Variants in USH2A observed in about 807,000 individuals in gnomAD.
USH2A encodes the protein usherin.
Under a neutral mutation model 538.9 loss-of-function variants are expected in USH2A, and 443 were observed. The observed-to-expected ratio is 0.82, with a 90% CI of 0.76 to 0.89. USH2A has a LOEUF of 0.89. Ranked by LOEUF, USH2A falls within the 40% of genes least tolerant of loss-of-function variation. The pLI is 0.00. For missense variants in USH2A, 6,633 were observed against 6,324.8 expected, an observed-to-expected ratio of 1.05 and a Z score of -1.65; for synonymous variants, 2,413 against 2,273.5, an observed-to-expected ratio of 1.06 and a Z score of -1.75.
At chr1:215,897,511 A>C (rs1665378843) in intron 40 of USH2A, among the ~76,000 whole-genome samples, 1 of 151,842 alleles carries the variant, frequency 6.6e-6, no homozygotes, top group Non-Finnish European at 1.5e-5. Flanking sequence ...ACATGGTGAA[A>C]CCCATCTCTA....
intron 3 of USH2A, among the ~76,000 whole-genome samples, chr1:216,386,639 AG>A (rs2039013543): frequency 6.6e-6 from 1 of 150,942 alleles, no homozygotes; most frequent in Non-Finnish European, 1.5e-5. Flanking sequence ...GCAGATCACA[AG>A]GTCAGGAGAT....
intron 35 of USH2A, among the ~76,000 whole-genome samples, chr1:215,985,671 C>CAAATTAA (rs1415343364): frequency 6.6e-6 from 1 of 151,986 alleles, no homozygotes; most frequent in Admixed American, 6.6e-5. Flanking sequence ...TCTATGCATG[C>CAAATTAA]ATAGAATATT....
intron 32 of USH2A, among the ~76,000 whole-genome samples, chr1:216,028,009 A>G (rs1435049827): frequency 1.3e-5 from 2 of 152,194 alleles, no homozygotes; most frequent in African/African-American, 4.8e-5. Flanking sequence ...AGGCATATCA[A>G]ATCAGTTTTC....
chr1:216,151,348 A>T (rs2102620154), intron 21 of USH2A, among the ~76,000 whole-genome samples: 1 of 152,216 alleles, frequency 6.6e-6, no homozygotes, highest in South Asian at 2.1e-4. Flanking sequence ...TCTACCTGCC[A>T]ATTGGACAGC....
chr1:215,867,893 A>AT (rs35156127), intron 43 of USH2A, among the ~76,000 whole-genome samples: 41 of 151,562 alleles, frequency 2.7e-4, no homozygotes, highest in African/African-American at 9.7e-4. Context: ...TAAAGCCACC[A>AT]TTTTTTTTTA....
intron 37 of USH2A, among the ~76,000 whole-genome samples, chr1:215,944,286 TAA>T (rs1216834815): frequency 6.6e-6 from 1 of 152,180 alleles, no homozygotes; most frequent in Non-Finnish European, 1.5e-5. Flanking sequence ...CTGCAAAGTC[TAA>T]AGTGTTTACT....
chr1:216,124,057 G>A (rs78415091), intron 21 of USH2A, among the ~76,000 whole-genome samples: 1,889 of 152,202 alleles, frequency 0.012, 44 homozygotes, highest in African/African-American at 0.044. Context: ...TCAATCAGAG[G>A]AGTTCTGCAT....
intron 48 of USH2A, among the ~76,000 whole-genome samples, chr1:215,815,153 C>A (rs1315433256): frequency 6.6e-6 from 1 of 151,856 alleles, no homozygotes; most frequent in Admixed American, 6.6e-5. Context: ...ATCCTTTATT[C>A]TCTTTTACCG....
intron 13 of USH2A, among the ~76,000 whole-genome samples, chr1:216,235,167 T>C (rs2035782553): frequency 6.6e-6 from 1 of 152,196 alleles, no homozygotes; most frequent in Non-Finnish European, 1.5e-5. Context: ...ATCTTTTCCC[T>C]TCCCTTCCAC....
chr1:216,307,192 C>A (rs2037333721), intron 9 of USH2A, among the ~76,000 whole-genome samples: 1 of 152,046 alleles, frequency 6.6e-6, no homozygotes, highest in African/African-American at 2.4e-5. Context: ...CAGGTAGGGT[C>A]AGGGTTAGGT....
At position 216,415,621 on chromosome 1, in the gene USH2A, C is replaced by G. The variant is rs147039047; in HGVS notation, c.651+2893G>C. ...GCCTTGACTTCCAGGCTTAGGTGAT[C>G]TTTTCACTTTAGCCCCAACCTCCTG... On this transcript the variant is annotated intron_variant, in intron 3 of 71. Transcript: ENST00000307340. Among the ~76,000 whole-genome samples the G allele has an allele frequency of 9.4e-4, 138 of 146,708 alleles. No individual in the cohort carries two copies. The Middle Eastern group carries it at 0.029, about 31-fold the overall frequency.
At chr1:215,715,114 A>C (rs1659447372) in intron 61 of USH2A, among the ~76,000 whole-genome samples, 1 of 152,140 alleles carries the variant, frequency 6.6e-6, no homozygotes, top group Admixed American at 6.6e-5. Context: ...CACATGCATT[A>C]GCTACTTATC....
In USH2A at chr1:215,640,625, GGTTAACAC is replaced by G. The variant is rs1558033881; in HGVS notation, c.14893_14900del (p.Val4965ArgfsTer33). ...CGCTGTACACGCGTCGCCCTCCGTC[GGTTAACAC>G]GTACTCCTTCAGTTGGCCGTTCAGG... On this transcript the variant is annotated frameshift_variant, in exon 68 of 72. Transcript: ENST00000307340. LOFTEE classifies it high-confidence loss of function. 2 of 1,613,710 alleles carry G rather than the reference GGTTAACAC, an allele frequency of 1.2e-6. No individual in the cohort carries two copies. Among genetic ancestry groups the G allele is most frequent in the Non-Finnish European group, 1.7e-6 (2 of 1,179,954 alleles).
At chr1:215,856,699 T>G (rs1048723253) in intron 44 of USH2A, among the ~76,000 whole-genome samples, 1 of 152,112 alleles carries the variant, frequency 6.6e-6, no homozygotes, top group Admixed American at 6.5e-5. Flanking sequence ...CTCCTGGGTA[T>G]CTACCAAGAG....
chr1:216,246,135 A>G (rs2036039791), intron 13 of USH2A, among the ~76,000 whole-genome samples: 1 of 152,224 alleles, frequency 6.6e-6, no homozygotes, highest in Non-Finnish European at 1.5e-5. Flanking sequence ...AGGTATTTCT[A>G]TATAAAACTA....
At chr1:216,177,101 T>C (rs992147919) in intron 20 of USH2A, among the ~76,000 whole-genome samples, 4 of 152,164 alleles carry the variant, frequency 2.6e-5, no homozygotes, top group African/African-American at 7.2e-5. Context: ...TGCTGTATCA[T>C]ATGGTAAGAG....
chr1:215,920,258 C>T (rs531394015), intron 38 of USH2A, among the ~76,000 whole-genome samples: 3 of 152,110 alleles, frequency 2.0e-5, no homozygotes, highest in South Asian at 2.1e-4. Flanking sequence ...ACAGCTAATG[C>T]TTTTCCTACT....
At chr1:216,279,372 G>C (rs1317852031) in intron 11 of USH2A, among the ~76,000 whole-genome samples, 1 of 152,076 alleles carries the variant, frequency 6.6e-6, no homozygotes, top group East Asian at 1.9e-4. Context: ...TCAGAGGATG[G>C]AGCAAAGTAA....
At position 215,780,060 on chromosome 1, in the gene USH2A, A is replaced by G; in HGVS notation, c.10741-19T>C. 6.2e-7 allele frequency: 1 copy of G among 1,613,836 alleles called. No individual in the cohort carries two copies. The highest frequency in any genetic ancestry group is 8.5e-7 in the Non-Finnish European group (1 of 1,179,832). ...CAACTACCTGAAGACGTAGGAATTAAGCAGCAATTTATTGTAATAGTGCAC... is the reference window on the plus strand; with the variant it reads ...CAACTACCTGAAGACGTAGGAATTAGGCAGCAATTTATTGTAATAGTGCAC... On this transcript the variant is annotated intron_variant, in intron 54 of 71. Coordinates refer to ENST00000307340, the MANE Select transcript of USH2A (RefSeq NM_206933.4).
Sources: gnomAD v4.1 joint callset for allele counts (sites outside exome capture counted in the v4.1 genomes callset) on GRCh38, gnomAD v4.1.1 for gene constraint, MANE v1.5 for transcripts, NCBI Gene and HGNC (gene_info 2026-07-23, HGNC 2026-07-21) for gene names.